The following NPHP4 variants were observed in gnomAD, a reference collection of about 807,000 sequenced individuals.
The protein encoded by NPHP4 is nephrocystin-4.
NPHP4 carries 151 observed loss-of-function variants against 155.8 expected under a neutral mutation model. The ratio of observed to expected loss-of-function variants is 0.97; its 90% CI spans 0.85 to 1.11. The LOEUF (loss-of-function observed/expected upper bound fraction) is 1.11, where lower values mean the gene tolerates loss of function less well. NPHP4 is among the 50% of genes least tolerant of loss of function. The probability of loss-of-function intolerance (pLI) is 0.00; values close to 1 mark genes in which losing one functional copy is unlikely to be tolerated. For synonymous variants in NPHP4, 845 were observed against 816.8 expected (o/e 1.03, Z -0.59); for missense variants, 1,956 against 1,925.7 (o/e 1.02, Z -0.29).
intron 5 of NPHP4, among the ~76,000 whole-genome samples, chr1:5,965,542 T>C (rs1651332259): frequency 1.3e-5 from 2 of 152,228 alleles, no homozygotes; most frequent in African/African-American, 2.4e-5. Flanking sequence ...TCCTGACTGG[T>C]TGTTCTCAGT....
At chr1:5,915,279 A>G (rs1462451958) in intron 11 of NPHP4, among the ~76,000 whole-genome samples, 1 of 152,034 alleles carries the variant, frequency 6.6e-6, no homozygotes, top group Non-Finnish European at 1.5e-5. Context: ...GATGGCCCCA[A>G]AAGGCAGGGG....
chr1:5,942,859 G>A (rs1393148078), intron 9 of NPHP4, among the ~76,000 whole-genome samples: 1 of 152,146 alleles, frequency 6.6e-6, no homozygotes, highest in African/African-American at 2.4e-5. Flanking sequence ...CACAGAAAAG[G>A]ACTGTATTCA....
At chr1:5,866,069 G>C in intron 26 of NPHP4, 5 of 439,900 alleles carry the variant, frequency 1.1e-5, no homozygotes, top group South Asian at 1.1e-4. Context: ...GCAAGAAAAA[G>C]GTAATGAGGG....
chr1:5,991,918 A>AG (rs1656402648), intron 1 of NPHP4, among the ~76,000 whole-genome samples: 1 of 52,602 alleles, frequency 1.9e-5, no homozygotes, highest in East Asian at 6.7e-4. Context: ...GGCTGCAGAG[A>AG]GGCCAGGGGG....
chr1:5,973,195 G>T (rs905611674), intron 3 of NPHP4, among the ~76,000 whole-genome samples: 1 of 152,172 alleles, frequency 6.6e-6, no homozygotes, highest in African/African-American at 2.4e-5. Context: ...TCAATTTGTA[G>T]TCTTTTATCC....
chr1:5,889,550 G>A lies in NPHP4; in HGVS notation c.2304+1318C>T, dbSNP rs186946339. Among the ~76,000 whole-genome samples the A allele has an allele frequency of 1.9e-4, 29 of 152,264 alleles. No individual in the cohort carries two copies. The East Asian group carries it at 5.6e-3, about 29-fold the overall frequency. ...GGGGGCACAAGGCTCGGCTGGGCAC[G>A]ACAGGGGAGCCACTGCCACCCCACA... is the stretch of plus-strand genomic sequence containing the variant. On this transcript the variant is annotated intron_variant, in intron 17 of 29. Coordinates refer to ENST00000378156, the MANE Select transcript of NPHP4 (RefSeq NM_015102.5). This position sits in a 1 kb window ranked among gnomAD's most constrained non-coding sequence, Gnocchi z 4.2.
chr1:5,987,284 T>C (rs1449598234), intron 1 of NPHP4, among the ~76,000 whole-genome samples: 2 of 152,024 alleles, frequency 1.3e-5, no homozygotes, highest in African/African-American at 2.4e-5. Flanking sequence ...CAAGAAGAGG[T>C]TGAATTCCGT....
At chr1:5,951,296 A>G (rs886588844) in intron 7 of NPHP4, among the ~76,000 whole-genome samples, 5 of 152,210 alleles carry the variant, frequency 3.3e-5, no homozygotes, top group African/African-American at 4.8e-5. Flanking sequence ...ACTCATCACG[A>G]AAAGGGTGTG....
At chr1:5,866,065 A>G (rs1641186927) in intron 26 of NPHP4, 1 of 429,194 alleles carries the variant, frequency 2.3e-6, no homozygotes, top group Non-Finnish European at 4.3e-6. Context: ...CTCAGCAAGA[A>G]AAAGGTAATG....
In NPHP4 at chr1:5,871,185, T is replaced by C. The variant is rs185791936; in HGVS notation, c.3315+2067A>G. Among the ~76,000 whole-genome samples the C allele has an allele frequency of 2.0e-4, 31 of 152,310 alleles. No individual in the cohort carries two copies. In the East Asian group the frequency reaches 4.8e-3, roughly 24 times the overall value. On this transcript the variant is annotated intron_variant, in intron 23 of 29. Coordinates refer to ENST00000378156, the MANE Select transcript of NPHP4 (RefSeq NM_015102.5). Reference sequence around the variant, plus strand: ...GACCGGGAAGTCTGGGAAAACCCTATGTGGGGACTCTGCACTCTTCCTGTA... The same window carrying C: ...GACCGGGAAGTCTGGGAAAACCCTACGTGGGGACTCTGCACTCTTCCTGTA...
chr1:5,937,363 C>T (rs756680394), intron 9 of NPHP4, among the ~76,000 whole-genome samples: 5 of 152,250 alleles, frequency 3.3e-5, no homozygotes, highest in Non-Finnish European at 5.9e-5. Flanking sequence ...GAGGGTGTGA[C>T]ACTTTGTTAC....
At chr1:5,986,396 C>T in intron 1 of NPHP4, 69 bp from the exon 2 acceptor site, 1 of 1,261,692 alleles carries the variant, frequency 7.9e-7, no homozygotes, top group Non-Finnish European at 1.1e-6. Context: ...ATCCTGAAGG[C>T]TTCTGCCTCC....
At chr1:5,878,468 G>A (rs1642852734) in intron 19 of NPHP4, among the ~76,000 whole-genome samples, 1 of 152,232 alleles carries the variant, frequency 6.6e-6, no homozygotes, top group Admixed American at 6.5e-5. Context: ...TTTTCAGATT[G>A]CATCACCCCA....
intron 2 of NPHP4, among the ~76,000 whole-genome samples, chr1:5,980,124 C>T (rs1333769192): frequency 6.6e-6 from 1 of 152,134 alleles, no homozygotes; most frequent in Non-Finnish European, 1.5e-5. Context: ...CAGCTGCCCA[C>T]CCTCCCTGGC....
At chr1:5,988,875 G>C (rs1329103942) in intron 1 of NPHP4, among the ~76,000 whole-genome samples, 1 of 152,158 alleles carries the variant, frequency 6.6e-6, no homozygotes, top group East Asian at 1.9e-4. Flanking sequence ...CACCCACAGT[G>C]CACGCAGATG....
At chr1:5,895,658 C>T (rs755521634) in intron 16 of NPHP4, among the ~76,000 whole-genome samples, 2 of 152,214 alleles carry the variant, frequency 1.3e-5, no homozygotes, top group African/African-American at 4.8e-5. Flanking sequence ...CAGCGGCACC[C>T]GAGAGAGGGT....
intron 23 of NPHP4, among the ~76,000 whole-genome samples, chr1:5,868,803 T>G (rs1455587316): frequency 2.2e-5 from 2 of 91,638 alleles, no homozygotes; most frequent in Non-Finnish European, 4.4e-5. Flanking sequence ...CACACATACA[T>G]GCACACACAT....
At chr1:5,878,410 T>A (rs559578794) in intron 19 of NPHP4, among the ~76,000 whole-genome samples, 330 of 152,264 alleles carry the variant, frequency 2.2e-3, no homozygotes, top group African/African-American at 7.2e-3. Context: ...CGGCTGTGAG[T>A]GGAGGGACCT....
intron 9 of NPHP4, among the ~76,000 whole-genome samples, chr1:5,940,576 A>G (rs1183093891): frequency 6.6e-6 from 1 of 152,224 alleles, no homozygotes; most frequent in East Asian, 1.9e-4. Flanking sequence ...GCGGTATATA[A>G]TAAGAGCTAC....
Sources: gnomAD v4.1 joint callset for allele counts (sites outside exome capture counted in the v4.1 genomes callset) on GRCh38, gnomAD v4.1.1 for gene constraint, Gnocchi (gnomAD v3.1) non-coding constraint, MANE v1.5 for transcripts, NCBI Gene and HGNC (gene_info 2026-07-23, HGNC 2026-07-21) for gene names.